TTC6: variants seen among roughly 807,000 people sequenced by gnomAD.
TTC6 encodes the protein tetratricopeptide repeat protein 6.
In TTC6, 172 loss-of-function variants were observed where a neutral mutation model predicts 210.4. That is an observed-to-expected ratio of 0.82 (90% confidence interval 0.72 to 0.93). The LOEUF (loss-of-function observed/expected upper bound fraction) is 0.93, where lower values mean the gene tolerates loss of function less well. Among genes scored for constraint, TTC6 ranks in the 40% least tolerant of loss-of-function variants. TTC6 has a pLI of 0.00. For missense variants in TTC6, 2,414 were observed against 2,318.1 expected (o/e 1.04, Z -0.85); for synonymous variants, 804 against 819.6 (o/e 0.98, Z 0.32).
chr14:37,746,223 C>T (rs537661704), intron 10 of TTC6, among the ~76,000 whole-genome samples: 2 of 152,278 alleles, frequency 1.3e-5, no homozygotes, highest in East Asian at 3.9e-4. Flanking sequence ...CGTTCCCCCA[C>T]TGTCATTCTT....
At chr14:37,731,436 A>T (rs545060428) in intron 7 of TTC6, among the ~76,000 whole-genome samples, 27 of 152,210 alleles carry the variant, frequency 1.8e-4, no homozygotes, top group Non-Finnish European at 3.7e-4. Flanking sequence ...GACACTAAAT[A>T]GGCCTTGAAA....
downstream of TTC6, chr14:37,842,477 C>A: frequency 2.1e-6 from 1 of 476,420 alleles, no homozygotes; most frequent in Non-Finnish European, 3.3e-6. Flanking sequence ...ATATCATTTG[C>A]TGCATATTTG....
intron 1 of TTC6, among the ~76,000 whole-genome samples, chr14:37,639,745 G>T (rs2095688140): frequency 6.7e-6 from 1 of 149,984 alleles, no homozygotes; most frequent in African/African-American, 2.4e-5. Flanking sequence ...AATTAGCCAG[G>T]TGTGGTGGTG....
At chr14:37,742,644 CT>C (rs1331289014) in intron 10 of TTC6, among the ~76,000 whole-genome samples, 4 of 150,620 alleles carry the variant, frequency 2.7e-5, no homozygotes, top group African/African-American at 9.8e-5. Flanking sequence ...TCTTGAACTT[CT>C]GGTCTCAAGC....
intron 1 of TTC6, among the ~76,000 whole-genome samples, chr14:37,639,108 CTT>C (rs2095686589): frequency 6.6e-6 from 1 of 152,150 alleles, no homozygotes; most frequent in Non-Finnish European, 1.5e-5. Flanking sequence ...CTATGTATAA[CTT>C]ATTATGTATT....
Position 37,804,900 on chromosome 14 carries a change from T to C in TTC6, c.4164+86T>C, listed in dbSNP as rs960352511. On this transcript the variant is annotated intron_variant, in intron 21 of 30. Coordinates refer to ENST00000553443, the Ensembl canonical transcript of TTC6. ...CAATTCTGTTTCTGAAGGCCACCTATACAGTGGGCAACCGGTCCAAAGCTG... is the reference window on the plus strand; with the variant it reads ...CAATTCTGTTTCTGAAGGCCACCTACACAGTGGGCAACCGGTCCAAAGCTG... 1.2e-5 allele frequency: 18 copies of C among 1,490,862 alleles called. No homozygotes were observed. The African/African-American group carries it at 1.9e-4, about 16-fold the overall frequency. 92.4% of individuals were successfully genotyped at this position (1,490,862 alleles called of 1,614,324 possible).
chr14:37,812,716 A>G (rs916988979), intron 25 of TTC6, among the ~76,000 whole-genome samples: 4 of 152,246 alleles, frequency 2.6e-5, no homozygotes, highest in African/African-American at 7.2e-5. Context: ...CAAGTTACTT[A>G]GTAAATAAAA....
chr14:37,616,571 T>C (rs1228378332), intron 2 of TTC6, among the ~76,000 whole-genome samples: 1 of 152,058 alleles, frequency 6.6e-6, no homozygotes, highest in African/African-American at 2.4e-5. Flanking sequence ...GTGGCGGGTC[T>C]CTGTAGTCCC....
At position 37,606,891 on chromosome 14, in the gene TTC6, G is replaced by A. The variant is rs1408657834; in HGVS notation, c.-155+149G>A. 8.5e-6 allele frequency: 4 copies of A among 468,920 alleles called. No homozygotes were observed. The South Asian group carries it at 2.7e-4, about 32-fold the overall frequency. 29.0% of individuals were successfully genotyped at this position (468,920 alleles called of 1,614,324 possible). On this transcript the variant is annotated intron_variant, in intron 2 of 2. Transcript: ENST00000556845. Reference sequence around the variant, plus strand: ...TTTCTACAGGAAAGGCTGCCTATGGGTCTAGCAGGAAAGCACACTCTGAGT... The same window carrying A: ...TTTCTACAGGAAAGGCTGCCTATGGATCTAGCAGGAAAGCACACTCTGAGT...
chr14:37,674,410 A>G (rs1036955921), intron 1 of TTC6, among the ~76,000 whole-genome samples: 3 of 152,144 alleles, frequency 2.0e-5, no homozygotes, highest in Non-Finnish European at 2.9e-5. Flanking sequence ...GATGGTACCA[A>G]TAGGCATCCT....
Position 37,622,798 on chromosome 14 carries a change from TAGGAGCCCAGGGAGAAC to T in TTC6, c.740_756del (p.Ala247GlufsTer82), listed in dbSNP as rs750240005. 6.5e-7 allele frequency: 1 copy of T among 1,534,460 alleles called. No individual in the cohort carries two copies. Among genetic ancestry groups the T allele is most frequent in the South Asian group, 1.2e-5 (1 of 83,968 alleles). ...CGCGAGGCGCGGGAAGCGGCGGGGT[TAGGAGCCCAGGGAGAAC>T]AGGAGAGCTGGCCGCCCAGCGACGC... On this transcript the variant is annotated frameshift_variant, in exon 1 of 31. Coordinates refer to ENST00000553443, the Ensembl canonical transcript of TTC6. LOFTEE classifies it high-confidence loss of function.
chr14:37,621,878 C>T (rs962418219), upstream of TTC6, among the ~76,000 whole-genome samples: 23 of 151,776 alleles, frequency 1.5e-4, no homozygotes, highest in African/African-American at 5.6e-4. Flanking sequence ...GTGAAAGGGC[C>T]AATAGGTGGA....
chr14:37,796,151 G>T (rs1007117169), intron 18 of TTC6, 143 bp from the exon 21 acceptor site: 4 of 383,636 alleles, frequency 1.0e-5, no homozygotes, highest in Non-Finnish European at 1.9e-5. Context: ...TATATAAAAT[G>T]TCTATAATTT....
chr14:37,616,747 A>AG (rs1446529213), intron 2 of TTC6, among the ~76,000 whole-genome samples: 1 of 151,920 alleles, frequency 6.6e-6, no homozygotes, highest in African/African-American at 2.4e-5. Flanking sequence ...CTCAAAAAAA[A>AG]AAAAAAAAAA....
intron 1 of TTC6, among the ~76,000 whole-genome samples, chr14:37,648,919 T>C (rs1191656366): frequency 6.6e-6 from 1 of 152,174 alleles, no homozygotes; most frequent in Admixed American, 6.5e-5. Flanking sequence ...TGTCTCAGCA[T>C]GTAGTGGGTT....
At chr14:37,741,378 T>C (rs2095919280) in intron 10 of TTC6, among the ~76,000 whole-genome samples, 1 of 130,196 alleles carries the variant, frequency 7.7e-6, no homozygotes, top group African/African-American at 2.9e-5. Flanking sequence ...AACCTCTGCC[T>C]CCCAGGTTCA....
intron 7 of TTC6, among the ~76,000 whole-genome samples, chr14:37,725,335 T>C (rs1313472386): frequency 2.1e-5 from 2 of 95,744 alleles, no homozygotes; most frequent in African/African-American, 7.3e-5. Context: ...TATATATATA[T>C]ATATATATAT....
intron 14 of TTC6, among the ~76,000 whole-genome samples, chr14:37,779,200 T>C (rs1200515019): frequency 6.6e-6 from 1 of 152,190 alleles, no homozygotes; most frequent in East Asian, 1.9e-4. Flanking sequence ...GGTAGCCCCA[T>C]GCAGGGTTCC....
chr14:37,600,208 G>C (rs1048141129), intron 1 of TTC6, among the ~76,000 whole-genome samples: 1 of 152,186 alleles, frequency 6.6e-6, no homozygotes, highest in Non-Finnish European at 1.5e-5. Flanking sequence ...CACAGACTTG[G>C]CAGGGTGCTT....
Sources: gnomAD v4.1 joint callset for allele counts (sites outside exome capture counted in the v4.1 genomes callset) on GRCh38, gnomAD v4.1.1 for gene constraint, MANE v1.5 for transcripts, NCBI Gene and HGNC (gene_info 2026-07-23, HGNC 2026-07-21) for gene names.